The following PHF2 variants were observed in gnomAD, a reference collection of about 807,000 sequenced individuals.
PHF2 encodes the protein lysine-specific demethylase PHF2.
PHF2 carries 27 observed loss-of-function variants against 120.5 expected under a neutral mutation model. That is an observed-to-expected ratio of 0.22 (90% confidence interval 0.17 to 0.31). The LOEUF is 0.31. Among genes scored for constraint, PHF2 ranks in the 10% least tolerant of loss-of-function variants. The pLI, the probability that PHF2 is intolerant of heterozygous loss-of-function variation, is 1.00. For synonymous variants in PHF2, 568 were observed against 592.5 expected (o/e 0.96, Z 0.60); for missense variants, 1,024 against 1,434.8 (o/e 0.71, Z 4.63).
intron 1 of PHF2, among the ~76,000 whole-genome samples, chr9:93,591,361 G>C (rs898934915): frequency 1.3e-5 from 2 of 152,230 alleles, no homozygotes; most frequent in African/African-American, 4.8e-5. Flanking sequence ...TAAAAGCCAA[G>C]TCTAGTAGAA....
intron 2 of PHF2, among the ~76,000 whole-genome samples, chr9:93,632,926 A>C (rs1330982506): frequency 9.4e-6 from 1 of 105,956 alleles, no homozygotes; most frequent in Non-Finnish European, 2.1e-5. Context: ...GTGAGTGTAC[A>C]CTGTGCCCAG....
chr9:93,638,479 C>A (rs1372687430), intron 3 of PHF2, among the ~76,000 whole-genome samples: 1 of 152,136 alleles, frequency 6.6e-6, no homozygotes, highest in African/African-American at 2.4e-5. Flanking sequence ...GATTGAACTT[C>A]ATTTTTTTTG....
At chr9:93,658,328 T>G in intron 10 of PHF2, 92 bp downstream of exon 10, 1 of 985,920 alleles carries the variant, frequency 1.0e-6, no homozygotes, top group Non-Finnish European at 1.6e-6. Context: ...CCAGGACTTG[T>G]CCTGCTTCAG....
In PHF2 at chr9:93,660,330, A is replaced by G. The variant is rs76832193; in HGVS notation, c.1468A>G (p.Lys490Glu). 1.4e-5 allele frequency: 23 copies of G among 1,602,100 alleles called. No individual in the cohort carries two copies. Among genetic ancestry groups the G allele is most frequent in the Non-Finnish European group, 1.9e-5 (22 of 1,174,268 alleles). Reference sequence around the variant, plus strand: ...TCAATCCCTCCTGGAGAAAGTGTCCAAAAAAAAGACTCCCAAAACTGTGAA... The same window carrying G: ...TCAATCCCTCCTGGAGAAAGTGTCCGAAAAAAAGACTCCCAAAACTGTGAA... The part of the protein sequence containing the change: ...PPQSLLEKVS[K>E]KKTPKTVKMP... The change falls in exon 12 of 22, where the codon AAA (lysine) becomes GAA (glutamate). Residue 490 changes from lysine (K) to glutamate (E), a missense_variant. Coordinates refer to ENST00000359246, the MANE Select transcript of PHF2 (RefSeq NM_005392.4).
chr9:93,619,343 C>T (rs751695636), intron 1 of PHF2, among the ~76,000 whole-genome samples: 8 of 152,230 alleles, frequency 5.3e-5, no homozygotes, highest in Non-Finnish European at 8.8e-5. Context: ...CCTCACTGGC[C>T]GAGGAGGACT....
chr9:93,650,057 ACT>A (rs200177276), intron 5 of PHF2, among the ~76,000 whole-genome samples: 3,005 of 150,948 alleles, frequency 0.02, 63 homozygotes, highest in East Asian at 0.1. Flanking sequence ...ACACACCGAC[ACT>A]CACCCATGGA....
At chr9:93,635,705 T>C (rs1234439689) in intron 2 of PHF2, among the ~76,000 whole-genome samples, 1 of 152,294 alleles carries the variant, frequency 6.6e-6, no homozygotes, top group South Asian at 2.1e-4. Context: ...TGTGTGTGCC[T>C]GCATTGTTGC....
intron 1 of PHF2, among the ~76,000 whole-genome samples, chr9:93,578,448 C>G (rs976767793): frequency 1.3e-5 from 2 of 152,218 alleles, no homozygotes; most frequent in African/African-American, 4.8e-5. Context: ...TGCTGAGCTG[C>G]TGGCCCTGAA....
chr9:93,606,176 C>T (rs1207786950), intron 1 of PHF2, among the ~76,000 whole-genome samples: 3 of 152,034 alleles, frequency 2.0e-5, no homozygotes, highest in Non-Finnish European at 4.4e-5. Context: ...TGCCACATTG[C>T]CCAGGCTGGT....
At chr9:93,597,190 A>G (rs1272580983) in intron 1 of PHF2, among the ~76,000 whole-genome samples, 1 of 152,016 alleles carries the variant, frequency 6.6e-6, no homozygotes, top group Non-Finnish European at 1.5e-5. Context: ...CAGCCTCCCA[A>G]AGTGCTGGGA....
intron 14 of PHF2, 31 bp downstream of exon 14, chr9:93,663,666 C>G (rs1244194517): frequency 3.0e-6 from 4 of 1,325,274 alleles, no homozygotes; most frequent in Non-Finnish European, 4.3e-6. Flanking sequence ...GAGGGGTGAC[C>G]TCGCGCATAA....
At position 93,653,164 on chromosome 9, in the gene PHF2, C is replaced by T; in HGVS notation, c.603-15C>T. The T allele has an allele frequency of 1.9e-6, 3 of 1,611,356 alleles. No individual in the cohort carries two copies. Among genetic ancestry groups the T allele is most frequent in the Non-Finnish European group, 2.5e-6 (3 of 1,177,838 alleles). On this transcript the variant is annotated splice_polypyrimidine_tract_variant and intron_variant, in intron 5 of 21. Coordinates refer to ENST00000359246, the MANE Select transcript of PHF2 (RefSeq NM_005392.4). ...AGTCCCAGGTTCCCTCACCACCTTCCTCTCCCACCCCTAGAATGTCCAGCT... is the reference window on the plus strand; with the variant it reads ...AGTCCCAGGTTCCCTCACCACCTTCTTCTCCCACCCCTAGAATGTCCAGCT...
intron 1 of PHF2, among the ~76,000 whole-genome samples, chr9:93,605,088 C>T (rs879431557): frequency 5.9e-5 from 9 of 152,168 alleles, no homozygotes; most frequent in Non-Finnish European, 1.2e-4. Context: ...AACTCCTCCC[C>T]GATTTCCCCA....
intron 14 of PHF2, 115 bp downstream of exon 14, chr9:93,663,750 T>C: frequency 1.6e-6 from 1 of 632,434 alleles, no homozygotes; most frequent in Non-Finnish European, 2.8e-6. Context: ...ACACACACTA[T>C]GCATGCACTC....
In PHF2 at chr9:93,665,698, C is replaced by T. The variant is rs769262880; in HGVS notation, c.1950C>T (p.Leu650=). ...GCTTCTGCCCTAGCTCCAAGGCTCTCAGGCCCCCGACGAGCCCTGGTGTGT... is the reference window on the plus strand; with the variant it reads ...GCTTCTGCCCTAGCTCCAAGGCTCTTAGGCCCCCGACGAGCCCTGGTGTGT... ...SNKKLLGSKA[L]RPPTSPGVFG... is the part of the protein sequence containing the mutation. The change falls in exon 15 of 22, where the codon CTC becomes CTT. Residue 650 remains leucine, a synonymous_variant. Transcript: ENST00000359246. 6.2e-7 allele frequency: 1 copy of T among 1,613,760 alleles called. No individual in the cohort carries two copies. The highest frequency in any genetic ancestry group is 2.2e-5 in the East Asian group (1 of 44,858).
In PHF2 at chr9:93,671,175, C is replaced by T. The variant is rs532525356; in HGVS notation, c.2349-2410C>T. On this transcript the variant is annotated intron_variant, in intron 17 of 21. Transcript: ENST00000359246. ...GTGGATGTAGGTGTGGGAGTAGGTA[C>T]AGGTGTAGATGCAGCTGTGGGTGTG... The T allele has an allele frequency of 1.9e-4, 188 of 980,824 alleles. 3 individuals carry two copies. The African/African-American group carries it at 3.0e-3, about 16-fold the overall frequency. The allele number at this position is 980,824 out of a possible 1,614,324, so 60.8% of individuals were successfully genotyped here. A position where few individuals can be genotyped will look rare whatever the true frequency, so the allele number is the denominator to read the frequency against.
chr9:93,619,463 G>A (rs1825787953), intron 1 of PHF2, among the ~76,000 whole-genome samples: 1 of 152,256 alleles, frequency 6.6e-6, no homozygotes, highest in African/African-American at 2.4e-5. Flanking sequence ...CAGGGTGGAG[G>A]GTGGAGGCCA....
chr9:93,607,764 G>GT (rs1825566399), intron 1 of PHF2, among the ~76,000 whole-genome samples: 1 of 152,128 alleles, frequency 6.6e-6, no homozygotes, highest in Non-Finnish European at 1.5e-5. Flanking sequence ...ATGATACCAT[G>GT]TTTTTAATTT....
chr9:93,671,349 G>C (rs1211865826), intron 17 of PHF2, among the ~76,000 whole-genome samples: 9 of 130,766 alleles, frequency 6.9e-5, no homozygotes, highest in South Asian at 2.6e-4. Context: ...TGGGAGTAGG[G>C]TCAGGTGTAG....
Sources: gnomAD v4.1 joint callset for allele counts (sites outside exome capture counted in the v4.1 genomes callset) on GRCh38, gnomAD v4.1.1 for gene constraint, MANE v1.5 for transcripts, NCBI Gene and HGNC (gene_info 2026-07-23, HGNC 2026-07-21) for gene names.